Variants in ZNF536 observed in about 807,000 individuals in gnomAD.
The protein encoded by ZNF536 is zinc finger protein 536.
Under a neutral mutation model 84.5 loss-of-function variants are expected in ZNF536, and 13 were observed. The ratio of observed to expected loss-of-function variants is 0.15; its 90% CI spans 0.10 to 0.24. The LOEUF is 0.24. ZNF536 is among the 10% of genes least tolerant of loss of function. The pLI is 1.00. For missense variants in ZNF536, 1,536 were observed against 1,747.5 expected (o/e 0.88, Z 2.16); for synonymous variants, 811 against 742.5 (o/e 1.09, Z -1.50).
intron 2 of ZNF536, among the ~76,000 whole-genome samples, chr19:30,521,264 T>C (rs2044309611): frequency 6.6e-6 from 1 of 152,182 alleles, no homozygotes; most frequent in Non-Finnish European, 1.5e-5. Flanking sequence ...TTGAGGAGGA[T>C]TGGGCCATCT....
At chr19:30,253,844 A>C (rs2024758683) in intron 1 of ZNF536, among the ~76,000 whole-genome samples, 1 of 152,186 alleles carries the variant, frequency 6.6e-6, no homozygotes, top group South Asian at 2.1e-4. Flanking sequence ...GTCATAGGAA[A>C]GGGAACAAGC....
At chr19:30,631,974 C>T (rs557926674) in intron 1 of ZNF536, among the ~76,000 whole-genome samples, 33 of 152,280 alleles carry the variant, frequency 2.2e-4, no homozygotes, top group African/African-American at 6.5e-4. Flanking sequence ...TTATAAAACA[C>T]GGCCCCTCTT....
intron 2 of ZNF536, among the ~76,000 whole-genome samples, chr19:30,297,327 C>T (rs1401564266): frequency 1.2e-4 from 18 of 152,132 alleles, no homozygotes; most frequent in South Asian, 4.2e-4. Context: ...GGAAATGGTA[C>T]GTGGGGGAAA....
intron 2 of ZNF536, among the ~76,000 whole-genome samples, chr19:30,317,227 G>A (rs2046709134): frequency 6.6e-6 from 1 of 152,126 alleles, no homozygotes; most frequent in African/African-American, 2.4e-5. Flanking sequence ...CAGAAGACAG[G>A]TGTAATTATG....
In ZNF536 at chr19:30,406,311, C is replaced by T. The variant is rs552710056; in HGVS notation, c.-3+33755C>T. ...GGAAGAGGAGTGGGAGACGAGAGAG[C>T]GGAGTGTGGTTAAGGACTAGGAAAG... is the stretch of plus-strand genomic sequence containing the variant. On this transcript the variant is annotated intron_variant, in intron 1 of 4. Transcript: ENST00000355537. Among the ~76,000 whole-genome samples, 65 of 152,140 alleles carry T rather than the reference C, an allele frequency of 4.3e-4. 1 individual carries two copies. In the South Asian group the frequency reaches 0.01, roughly 24 times the overall value.
upstream of ZNF536, among the ~76,000 whole-genome samples, chr19:30,225,741 G>T (rs1490950667): frequency 2.1e-5 from 3 of 139,648 alleles, no homozygotes; most frequent in Non-Finnish European, 3.2e-5. Context: ...GCGGGGGGGC[G>T]GCGGCGGGTG....
At position 30,443,821 on chromosome 19, in the gene ZNF536, C is replaced by A. The variant is rs549028196; in HGVS notation, c.259C>A (p.Gln87Lys). ...CAGTCAGATGGCGCTCCTGGCCAACCAGCTGGGCCGGGAGGTGGACACCAG... is the reference window on the plus strand; with the variant it reads ...CAGTCAGATGGCGCTCCTGGCCAACAAGCTGGGCCGGGAGGTGGACACCAG... ...MGSQMALLAN[Q>K]LGREVDTSLN... Residue 87 changes from glutamine (Q) to lysine (K), a missense_variant, in exon 2 of 5, where the codon CAG (glutamine) becomes AAG (lysine). Physicochemically the swap from Gln to Lys is moderately conservative, Grantham distance 53. Coordinates refer to ENST00000355537, the MANE Select transcript of ZNF536 (RefSeq NM_014717.3). 1.2e-6 allele frequency: 2 copies of A among 1,613,260 alleles called. No individual in the cohort carries two copies. Among genetic ancestry groups the A allele is most frequent in the Admixed American group, 3.3e-5 (2 of 60,006 alleles).
At chr19:30,544,261 T>C (rs950458138) in intron 3 of ZNF536, among the ~76,000 whole-genome samples, 2 of 152,054 alleles carry the variant, frequency 1.3e-5, no homozygotes, top group Admixed American at 1.3e-4. Flanking sequence ...ATGCAGCCCT[T>C]TCATCCCAGT....
At position 30,351,829 on chromosome 19, in the gene ZNF536, T is replaced by A. The variant is rs373797643; in HGVS notation, c.-119-539T>A. 4.8e-4 allele frequency among the ~76,000 whole-genome samples: 73 copies of A among 152,318 alleles called. 1 individual carries two copies. In the South Asian group the frequency reaches 0.014, roughly 30 times the overall value. On this transcript the variant is annotated intron_variant, in intron 2 of 5. Coordinates refer to the ZNF536 transcript ENST00000585628. ...CTGTCCTCTCTTGGTAAATGGTAAGTTTGAACAAAAAAGTGCTCGCACATG... is the reference window on the plus strand; with the variant it reads ...CTGTCCTCTCTTGGTAAATGGTAAGATTGAACAAAAAAGTGCTCGCACATG...
chr19:30,493,089 CTTTTTTTTTTTTTTT>C (rs201787656), intron 2 of ZNF536, among the ~76,000 whole-genome samples: 4 of 71,578 alleles, frequency 5.6e-5, no homozygotes, highest in Non-Finnish European at 9.7e-5. Context: ...ATATTACTCA[CTTTTTTTTTTTTTTT>C]TTTTTTTTTT....
chr19:30,544,787 G>C lies in ZNF536; in HGVS notation c.2324-3156G>C, dbSNP rs566552175. Among the ~76,000 whole-genome samples, 12 of 152,316 alleles carry C rather than the reference G, an allele frequency of 7.9e-5. No individual in the cohort carries two copies. The East Asian group carries it at 1.5e-3, about 20-fold the overall frequency. On this transcript the variant is annotated intron_variant, in intron 3 of 4. Transcript: ENST00000355537. ...CACAAGTAGCACTGGCTCTATTCAG[G>C]AGACTTAGTTTACTCCTAAACGAGC...
At chr19:30,304,900 T>C (rs2046300661) in intron 2 of ZNF536, among the ~76,000 whole-genome samples, 1 of 152,206 alleles carries the variant, frequency 6.6e-6, no homozygotes, top group South Asian at 2.1e-4. Context: ...CAAAGCATAT[T>C]TGCATCTTCC....
intron 1 of ZNF536, among the ~76,000 whole-genome samples, chr19:30,277,811 G>T (rs2045292186): frequency 6.6e-6 from 1 of 152,210 alleles, no homozygotes; most frequent in African/African-American, 2.4e-5. Flanking sequence ...TCCTCTTTGA[G>T]ACACATTGTG....
At position 30,443,758 on chromosome 19, in the gene ZNF536, G is replaced by A. The variant is rs2148152175; in HGVS notation, c.196G>A (p.Glu66Lys). 6.2e-7 allele frequency: 1 copy of A among 1,613,074 alleles called. No homozygotes were observed. Among genetic ancestry groups the A allele is most frequent in the Non-Finnish European group, 8.5e-7 (1 of 1,179,680 alleles). ...PEEKPPASLE[E>K]KAHVPMSGQP... ...GGAGAAGCCCCCCGCATCCCTGGAG[G>A]AGAAGGCCCACGTGCCCATGAGCGG... Residue 66 changes from glutamate to lysine, a missense_variant, in exon 2 of 5, where the codon GAG becomes AAG. By Grantham distance (56) the Glu-to-Lys change is moderately conservative (BLOSUM62 1). This residue lies in a region of ZNF536 where 161 missense variants were observed against 178.5 expected (regional missense o/e 0.90). Coordinates refer to ENST00000355537, the MANE Select transcript of ZNF536 (RefSeq NM_014717.3).
At chr19:30,591,166 G>T (rs1006036992) in intron 1 of ZNF536, among the ~76,000 whole-genome samples, 1 of 152,210 alleles carries the variant, frequency 6.6e-6, no homozygotes, top group Non-Finnish European at 1.5e-5. Context: ...GAGGAAAAGT[G>T]GCCATTTTTC....
chr19:30,424,888 G>A (rs1196411290), intron 1 of ZNF536, among the ~76,000 whole-genome samples: 1 of 152,170 alleles, frequency 6.6e-6, no homozygotes, highest in Non-Finnish European at 1.5e-5. Context: ...GCACACAGGA[G>A]AAGGTGCTGC....
At chr19:30,480,700 G>C (rs1245436973) in intron 2 of ZNF536, among the ~76,000 whole-genome samples, 2 of 152,038 alleles carry the variant, frequency 1.3e-5, no homozygotes, top group Non-Finnish European at 2.9e-5. Flanking sequence ...ATGTATCCCA[G>C]AACTTAAAGT....
chr19:30,282,134 A>G (rs2045469475), intron 1 of ZNF536, among the ~76,000 whole-genome samples: 1 of 152,230 alleles, frequency 6.6e-6, no homozygotes, highest in East Asian at 1.9e-4. Context: ...TAACAACATC[A>G]GACACCAGGA....
Position 30,330,793 on chromosome 19 carries a change from G to T in ZNF536, c.-119-21575G>T, listed in dbSNP as rs556344774. Among the ~76,000 whole-genome samples the T allele has an allele frequency of 2.0e-5, 3 of 152,280 alleles. No homozygotes were observed. The South Asian group carries it at 6.2e-4, about 32-fold the overall frequency. ...AGTGGAGTCCATTTTTCGGTCCTGA[G>T]GGCTCCTAGCCTGAGAAAGCTTGAC... On this transcript the variant is annotated intron_variant, in intron 2 of 5. Coordinates refer to the ZNF536 transcript ENST00000585628.
Sources: gnomAD v4.1 joint callset for allele counts (sites outside exome capture counted in the v4.1 genomes callset) on GRCh38, gnomAD v4.1.1 for gene constraint, gnomAD v4.1.1 regional missense constraint, MANE v1.5 for transcripts, NCBI Gene and HGNC (gene_info 2026-07-23, HGNC 2026-07-21) for gene names.